CPED1: variants seen among roughly 807,000 people sequenced by gnomAD.
CPED1 encodes the protein cadherin-like and PC-esterase domain-containing protein 1.
CPED1 carries 114 observed loss-of-function variants against 128.2 expected under a neutral mutation model. The observed-to-expected ratio is 0.89, with a 90% CI of 0.76 to 1.04. The LOEUF (loss-of-function observed/expected upper bound fraction) is 1.04, where lower values mean the gene tolerates loss of function less well. Among genes scored for constraint, CPED1 ranks in the 50% least tolerant of loss-of-function variants. The pLI is 0.00. For synonymous variants in CPED1, 462 were observed against 426.7 expected (o/e 1.08, Z -1.02); for missense variants, 1,211 against 1,207.1 (o/e 1.00, Z -0.05).
intron 16 of CPED1, among the ~76,000 whole-genome samples, chr7:121,210,734 A>C (rs1194562015): frequency 6.6e-6 from 1 of 151,990 alleles, no homozygotes; most frequent in Admixed American, 6.6e-5. Context: ...AATAAGATCT[A>C]GTATTTGATA....
chr7:121,237,687 C>A (rs1265117467), intron 17 of CPED1, among the ~76,000 whole-genome samples: 1 of 152,136 alleles, frequency 6.6e-6, no homozygotes, highest in Non-Finnish European at 1.5e-5. Flanking sequence ...GTCCTCCTGA[C>A]CCCAAGTCTC....
chr7:121,130,001 C>T (rs1795622443), intron 11 of CPED1, 124 bp from the exon 12 acceptor site: 1 of 817,894 alleles, frequency 1.2e-6, no homozygotes, highest in East Asian at 2.9e-5. Context: ...ATTTATGGTA[C>T]TGACCAATGG....
At chr7:121,274,086 C>T (rs1330020944) in intron 22 of CPED1, among the ~76,000 whole-genome samples, 1 of 152,052 alleles carries the variant, frequency 6.6e-6, no homozygotes, top group Non-Finnish European at 1.5e-5. Flanking sequence ...AGAAAGGTGT[C>T]TACTTTTCTT....
chr7:121,129,475 A>G (rs1795609906), intron 11 of CPED1, among the ~76,000 whole-genome samples: 1 of 151,138 alleles, frequency 6.6e-6, no homozygotes, highest in Non-Finnish European at 1.5e-5. Context: ...TTCCCCAAAG[A>G]TAATTGAGTT....
chr7:121,109,329 A>G (rs1024122521), intron 7 of CPED1, among the ~76,000 whole-genome samples: 1 of 152,190 alleles, frequency 6.6e-6, no homozygotes, highest in Non-Finnish European at 1.5e-5. Context: ...TGGCTGACAC[A>G]GAGCATTCCT....
chr7:121,046,819 A>G, intron 3 of CPED1, 68 bp from the exon 4 acceptor site: 5 of 977,082 alleles, frequency 5.1e-6, no homozygotes, highest in South Asian at 1.7e-5. Flanking sequence ...TTTAATCTGA[A>G]GAATTAAATA....
intron 16 of CPED1, among the ~76,000 whole-genome samples, chr7:121,233,247 G>A (rs922868358): frequency 6.6e-6 from 1 of 152,020 alleles, no homozygotes; most frequent in African/African-American, 2.4e-5. Flanking sequence ...GGAGTTTGGC[G>A]CTTCCTTTTG....
At chr7:121,125,126 T>G (rs966850449) in intron 8 of CPED1, among the ~76,000 whole-genome samples, 17 of 152,160 alleles carry the variant, frequency 1.1e-4, no homozygotes, top group Admixed American at 2.6e-4. Context: ...AGGTATATTT[T>G]TATTTTCTAT....
rs544716363 is a variant in CPED1, at chr7:121,150,800, G to A, written c.2055+8659G>A. 2.1e-4 allele frequency among the ~76,000 whole-genome samples: 32 copies of A among 151,336 alleles called. No individual in the cohort carries two copies. In the South Asian group the frequency reaches 6.1e-3, roughly 29 times the overall value. ...TTATTATTATTAGAGATGGAGTCTC[G>A]CTCTGTCACCCAGGCTGGAGTGCAA... On this transcript the variant is annotated intron_variant, in intron 16 of 22. Transcript: ENST00000310396.
intron 3 of CPED1, among the ~76,000 whole-genome samples, chr7:121,038,735 AC>A (rs997023255): frequency 7.9e-5 from 12 of 151,944 alleles, no homozygotes; most frequent in African/African-American, 2.9e-4. Context: ...CTTGGCTGTG[AC>A]AGTTTCTCAG....
intron 2 of CPED1, among the ~76,000 whole-genome samples, chr7:121,007,513 T>C (rs1792052189): frequency 6.6e-6 from 1 of 152,180 alleles, no homozygotes; most frequent in African/African-American, 2.4e-5. Flanking sequence ...GTATTTCAGA[T>C]GTGAACTAAG....
At chr7:121,161,843 T>C (rs931216504) in intron 16 of CPED1, among the ~76,000 whole-genome samples, 2 of 152,114 alleles carry the variant, frequency 1.3e-5, no homozygotes, top group African/African-American at 4.8e-5. Flanking sequence ...AGAAAGGGGG[T>C]AGGTTTGTCA....
intron 2 of CPED1, among the ~76,000 whole-genome samples, chr7:120,997,086 C>T (rs954083163): frequency 3.9e-5 from 6 of 152,242 alleles, no homozygotes; most frequent in African/African-American, 1.4e-4. Flanking sequence ...CTCCAGGGAG[C>T]CTGCTCTACT....
intron 3 of CPED1, among the ~76,000 whole-genome samples, chr7:121,042,219 G>A (rs747987669): frequency 4.6e-5 from 7 of 151,974 alleles, no homozygotes; most frequent in Admixed American, 2.0e-4. Context: ...GAGTACCTGC[G>A]AGGTAAGTAC....
intron 22 of CPED1, among the ~76,000 whole-genome samples, chr7:121,293,673 G>A (rs1226566500): frequency 2.0e-5 from 3 of 152,138 alleles, no homozygotes; most frequent in Admixed American, 6.5e-5. Context: ...TGCGGGTTGC[G>A]AAGACTGGGG....
chr7:121,171,900 G>A (rs1028111911), intron 16 of CPED1, among the ~76,000 whole-genome samples: 3 of 152,142 alleles, frequency 2.0e-5, no homozygotes, highest in Non-Finnish European at 2.9e-5. Context: ...GGGCAATAAT[G>A]TATTTTCAAC....
intron 5 of CPED1, among the ~76,000 whole-genome samples, chr7:121,072,384 AAT>A (rs1427091222): frequency 2.6e-5 from 4 of 152,120 alleles, no homozygotes; most frequent in Non-Finnish European, 5.9e-5. Context: ...TACTTAGGAA[AAT>A]TCATACCAAA....
intron 15 of CPED1, among the ~76,000 whole-genome samples, chr7:121,141,733 G>A (rs1053897405): frequency 1.3e-5 from 2 of 152,036 alleles, no homozygotes; most frequent in Non-Finnish European, 2.9e-5. Context: ...ATAAATATTA[G>A]TTTCCTTTGC....
chr7:121,214,720 T>C (rs764506320), intron 16 of CPED1, among the ~76,000 whole-genome samples: 1 of 152,094 alleles, frequency 6.6e-6, no homozygotes, highest in Non-Finnish European at 1.5e-5. Context: ...TGTTAGAATA[T>C]GTTTAAACTA....
Sources: allele counts gnomAD v4.1 joint callset (sites outside exome capture counted in the v4.1 genomes callset), GRCh38; gene constraint gnomAD v4.1.1; transcripts MANE v1.5; gene names NCBI Gene and HGNC (gene_info 2026-07-23, HGNC 2026-07-21).